The following AP3B1 variants were observed in gnomAD, a reference collection of about 807,000 sequenced individuals.
AP3B1 encodes AP-3 complex subunit beta-1.
In AP3B1, 61 loss-of-function variants were observed where a neutral mutation model predicts 132.5. The observed-to-expected ratio is 0.46, with a 90% CI of 0.37 to 0.57. The LOEUF is 0.57. AP3B1 is among the 20% of genes least tolerant of loss of function. The probability of loss-of-function intolerance (pLI) is 0.00; values close to 1 mark genes in which losing one functional copy is unlikely to be tolerated. For synonymous variants in AP3B1, 388 were observed against 438.3 expected, an observed-to-expected ratio of 0.89 and a Z score of 1.43; for missense variants, 1,120 against 1,289.4, an observed-to-expected ratio of 0.87 and a Z score of 2.01.
intron 21 of AP3B1, among the ~76,000 whole-genome samples, chr5:78,093,751 T>C (rs252750): frequency 0.32 from 48,449 of 152,140 alleles, 8,398 homozygotes; most frequent in Admixed American, 0.43. Context: ...TATCATGTGT[T>C]AGGCACAGTT....
intron 2 of AP3B1, among the ~76,000 whole-genome samples, chr5:78,262,962 G>A (rs1322548627): frequency 1.3e-5 from 2 of 152,128 alleles, no homozygotes; most frequent in East Asian, 3.9e-4. Context: ...GAGCCACTGT[G>A]CCCAGCCAAT....
chr5:78,272,463 CCCT>C (rs1748585726), intron 1 of AP3B1, among the ~76,000 whole-genome samples: 1 of 152,174 alleles, frequency 6.6e-6, no homozygotes, highest in South Asian at 2.1e-4. Context: ...TCTTGAAATT[CCCT>C]CCTCCTTTAG....
chr5:78,154,247 G>T (rs1381343106), intron 14 of AP3B1, among the ~76,000 whole-genome samples: 1 of 152,090 alleles, frequency 6.6e-6, no homozygotes, highest in African/African-American at 2.4e-5. Context: ...GGTAAAAGTT[G>T]TTTTCTTTTG....
chr5:78,271,066 A>G (rs181502378), intron 1 of AP3B1, among the ~76,000 whole-genome samples: 1 of 152,316 alleles, frequency 6.6e-6, no homozygotes, highest in African/African-American at 2.4e-5. Context: ...CCACTTAATA[A>G]ATGCAACAGT....
At chr5:78,014,207 T>TAAA (rs11427263) in intron 26 of AP3B1, among the ~76,000 whole-genome samples, 10 of 139,816 alleles carry the variant, frequency 7.2e-5, no homozygotes, top group Non-Finnish European at 9.4e-5. Context: ...TTGAGCAACT[T>TAAA]AAAAAAAAAA....
chr5:78,116,012 A>C lies in AP3B1; in HGVS notation c.2077+114T>G, dbSNP rs759790810. 4.0e-5 allele frequency: 31 copies of C among 782,540 alleles called. No homozygotes were observed. In the African/African-American group the frequency reaches 4.8e-4, roughly 12 times the overall value. 48.5% of individuals were successfully genotyped at this position (782,540 alleles called of 1,614,324 possible). On this transcript the variant is annotated intron_variant, in intron 18 of 26. Transcript: ENST00000255194. ...ATAAATGAAAGGGATTATTTTGATA[A>C]TACAAACTTCACTTAAAACTACCTG... is the stretch of plus-strand genomic sequence containing the variant.
intron 22 of AP3B1, among the ~76,000 whole-genome samples, chr5:78,062,310 C>A (rs772543486): frequency 2.0e-5 from 3 of 152,094 alleles, no homozygotes; most frequent in Non-Finnish European, 4.4e-5. Context: ...ATTCCTTCTG[C>A]CAAGTGATTT....
In AP3B1 at chr5:78,002,629, A is replaced by G; in HGVS notation, c.*273T>C. 1 of 579,276 alleles carries G rather than the reference A, an allele frequency of 1.7e-6. No homozygotes were observed. The highest frequency in any genetic ancestry group is 3.1e-6 in the Non-Finnish European group (1 of 327,202). 35.9% of individuals were successfully genotyped at this position (579,276 alleles called of 1,614,324 possible). Reference sequence around the variant, plus strand: ...AGAAGGAAAACGAGGAGGCCAAAAGAAGCAGCAGGACAGAGAAAACGCCAC... The same window carrying G: ...AGAAGGAAAACGAGGAGGCCAAAAGGAGCAGCAGGACAGAGAAAACGCCAC... On this transcript the variant is annotated 3_prime_UTR_variant, in exon 27 of 27. Transcript: ENST00000255194.
chr5:78,196,511 C>T (rs1283863821), intron 7 of AP3B1, among the ~76,000 whole-genome samples: 2 of 152,168 alleles, frequency 1.3e-5, no homozygotes, highest in African/African-American at 4.8e-5. Context: ...CCAGCAATCA[C>T]ACTCCTTGAT....
In AP3B1 at chr5:78,002,890, G is replaced by A. The variant is rs1746242041; in HGVS notation, c.*12C>T. ...GTTGTGTGCCAGATTCTAAAGTCCA[G>A]ATGTAAGCAGGTTACCCCTGAGACA... On this transcript the variant is annotated 3_prime_UTR_variant, in exon 27 of 27. Transcript: ENST00000255194. 1 of 1,614,070 alleles carries A rather than the reference G, an allele frequency of 6.2e-7. No homozygotes were observed. Among genetic ancestry groups the A allele is most frequent in the African/African-American group, 1.3e-5 (1 of 74,940 alleles).
At chr5:78,242,459 C>T (rs998578679) in intron 2 of AP3B1, among the ~76,000 whole-genome samples, 3 of 152,060 alleles carry the variant, frequency 2.0e-5, no homozygotes, top group African/African-American at 4.8e-5. Flanking sequence ...CAGCCTGGAA[C>T]GCAGTGGCAC....
chr5:78,224,033 GCCAA>G (rs1746297855), intron 6 of AP3B1, among the ~76,000 whole-genome samples: 1 of 151,982 alleles, frequency 6.6e-6, no homozygotes, highest in Non-Finnish European at 1.5e-5. Context: ...ATGGTACTTA[GCCAA>G]TCTCTTGCAC....
chr5:78,169,840 T>A (rs1050157292), intron 11 of AP3B1, among the ~76,000 whole-genome samples: 1 of 152,092 alleles, frequency 6.6e-6, no homozygotes, highest in African/African-American at 2.4e-5. Flanking sequence ...ATGTGCCATG[T>A]TGGTTTGCTG....
intron 7 of AP3B1, among the ~76,000 whole-genome samples, chr5:78,198,333 A>G (rs562652037): frequency 7.9e-5 from 12 of 152,308 alleles, no homozygotes; most frequent in African/African-American, 2.4e-4. Flanking sequence ...TCAGGCTGTT[A>G]TAACAAAATA....
intron 8 of AP3B1, among the ~76,000 whole-genome samples, chr5:78,180,049 A>G (rs1744303715): frequency 2.0e-5 from 3 of 152,164 alleles, no homozygotes; most frequent in Admixed American, 2.0e-4. Context: ...AGTCACTCAT[A>G]AAGTACAGCT....
Position 78,118,479 on chromosome 5 carries a change from A to T in AP3B1, c.1969-2245T>A, listed in dbSNP as rs1240343544. On this transcript the variant is annotated intron_variant, in intron 17 of 26. Transcript: ENST00000255194. ...AAAATCGGGTCACTCCCACCCTAAT[A>T]CTGCGCTTTTCCAACGGGCTTCAAA... Among the ~76,000 whole-genome samples the T allele has an allele frequency of 1.1e-4, 16 of 152,310 alleles. No homozygotes were observed. In the East Asian group the frequency reaches 2.9e-3, roughly 28 times the overall value.
intron 17 of AP3B1, among the ~76,000 whole-genome samples, chr5:78,127,116 A>T (rs1752495855): frequency 6.6e-6 from 1 of 152,166 alleles, no homozygotes; most frequent in Non-Finnish European, 1.5e-5. Context: ...CATGGCCATG[A>T]TCATTATAGA....
At position 78,265,355 on chromosome 5, in the gene AP3B1, A is replaced by T. The variant is rs908433475; in HGVS notation, c.204+2165T>A. Reference sequence around the variant, plus strand: ...CTACTCAGAAGGCTGAGGTGGGAGGATCGCTTGGGCTCAGGAGTTCAAAGC... The same window carrying T: ...CTACTCAGAAGGCTGAGGTGGGAGGTTCGCTTGGGCTCAGGAGTTCAAAGC... On this transcript the variant is annotated intron_variant, in intron 2 of 26. Transcript: ENST00000255194. Among the ~76,000 whole-genome samples the T allele has an allele frequency of 9.2e-5, 14 of 152,230 alleles. No homozygotes were observed. In the East Asian group the frequency reaches 2.7e-3, roughly 29 times the overall value.
At chr5:78,146,302 G>C (rs1303590655) in intron 14 of AP3B1, among the ~76,000 whole-genome samples, 1 of 152,120 alleles carries the variant, frequency 6.6e-6, no homozygotes, top group Admixed American at 6.5e-5. Context: ...GGGGTAACTT[G>C]TGGTTGACCA....
Sources: allele counts gnomAD v4.1 joint callset (sites outside exome capture counted in the v4.1 genomes callset), GRCh38; gene constraint gnomAD v4.1.1; transcripts MANE v1.5; gene names NCBI Gene and HGNC (gene_info 2026-07-23, HGNC 2026-07-21).